ARMC2: variants seen among roughly 807,000 people sequenced by gnomAD.
ARMC2 encodes the protein armadillo repeat containing 2.
Under a neutral mutation model 90.3 loss-of-function variants are expected in ARMC2, and 67 were observed. The ratio of observed to expected loss-of-function variants is 0.74; its 90% CI spans 0.61 to 0.91. The LOEUF (loss-of-function observed/expected upper bound fraction) is 0.91, where lower values mean the gene tolerates loss of function less well. Among genes scored for constraint, ARMC2 ranks in the 40% least tolerant of loss-of-function variants. The probability of loss-of-function intolerance (pLI) is 0.00; values close to 1 mark genes in which losing one functional copy is unlikely to be tolerated. For synonymous variants in ARMC2, 393 were observed against 393.0 expected (o/e 1.00, Z 0.00); for missense variants, 920 against 1,030.9 (o/e 0.89, Z 1.47).
the ARMC2 span, among the ~76,000 whole-genome samples, chr6:109,047,010 G>C: frequency 2.1e-5 from 1 of 47,394 alleles, no homozygotes; most frequent in Middle Eastern, 0.014. Flanking sequence ...TCAGCCCCCT[G>C]CCCGGCCAGC....
intron 3 of ARMC2, among the ~76,000 whole-genome samples, chr6:108,861,235 C>T (rs997709746): frequency 3.9e-5 from 6 of 152,160 alleles, no homozygotes; most frequent in East Asian, 1.9e-4. Context: ...GTTAGTCAAG[C>T]GCTTCTCAAT....
chr6:108,953,180 A>C lies in ARMC2; in HGVS notation c.1744A>C (p.Lys582Gln). Residue 582 changes from lysine to glutamine, a missense_variant, in exon 13 of 18, where the codon AAG becomes CAG. Transcript: ENST00000392644. ...CCATCAGCTGGATCTGCATTCCCAG[A>C]AGCCGGTGGGCCAACGAGGCGAGCA... ...TFHQLDLHSQ[K>Q]PVGQRGEQHR... 6.2e-7 allele frequency: 1 copy of C among 1,614,084 alleles called. No individual in the cohort carries two copies.
the ARMC2 span, among the ~76,000 whole-genome samples, chr6:109,044,573 T>C: frequency 6.6e-6 from 1 of 152,168 alleles, no homozygotes; most frequent in East Asian, 1.9e-4. Context: ...AATATCTACA[T>C]CTAGATCACC....
rs756440360 is a variant in ARMC2 at position 108,953,265 on chromosome 6, T to C, written c.1829T>C (p.Val610Ala). 1.9e-6 allele frequency: 3 copies of C among 1,613,242 alleles called. No homozygotes were observed. Among genetic ancestry groups the C allele is most frequent in the Non-Finnish European group, 2.5e-6 (3 of 1,179,902 alleles). Residue 610 changes from valine to alanine, a missense_variant, in exon 13 of 18, where the codon GTG becomes GCG. Val to Ala is a moderately conservative substitution (Grantham distance 64, BLOSUM62 0). Coordinates refer to ENST00000392644, the MANE Select transcript of ARMC2 (RefSeq NM_032131.6). ...GACGTGCTCATCAAGCTGACTCGTG[T>C]GCTGGCCAACATTGCCATCCACCCG... ...AEDVLIKLTR[V>A]LANIAIHPGV...
At chr6:109,009,430 A>G in the ARMC2 span, 2 of 1,386,428 alleles carry the variant, frequency 1.4e-6, no homozygotes, top group East Asian at 3.1e-5. Flanking sequence ...GGGGCCGTGT[A>G]CGCCTCGTTC....
the ARMC2 span, among the ~76,000 whole-genome samples, chr6:108,980,171 G>T: frequency 1.3e-5 from 2 of 152,062 alleles, no homozygotes; most frequent in Non-Finnish European, 2.9e-5. Flanking sequence ...TTCAGGTGAG[G>T]TCTCTGAGTG....
chr6:109,016,624 G>A, the ARMC2 span, among the ~76,000 whole-genome samples: 7 of 152,122 alleles, frequency 4.6e-5, no homozygotes, highest in Non-Finnish European at 7.4e-5. Flanking sequence ...TTCTCACTCT[G>A]TGGGCCATTT....
chr6:108,911,959 A>G (rs1354217805), intron 9 of ARMC2, among the ~76,000 whole-genome samples: 1 of 152,116 alleles, frequency 6.6e-6, no homozygotes, highest in African/African-American at 2.4e-5. Flanking sequence ...AGTTACAAAT[A>G]TATTCTTAAA....
At chr6:108,990,803 C>A in the ARMC2 span, 2 of 1,613,898 alleles carry the variant, frequency 1.2e-6, no homozygotes, top group Non-Finnish European at 1.7e-6. Context: ...GGCGATTTAC[C>A]AAAGAATAAC....
intron 3 of ARMC2, among the ~76,000 whole-genome samples, chr6:108,867,572 G>T (rs974353794): frequency 1.3e-5 from 2 of 152,060 alleles, no homozygotes; most frequent in South Asian, 2.1e-4. Flanking sequence ...TTCGCGACCA[G>T]TCTGACTAAC....
chr6:109,045,102 C>G, the ARMC2 span, among the ~76,000 whole-genome samples: 6 of 152,102 alleles, frequency 3.9e-5, no homozygotes, highest in Non-Finnish European at 8.8e-5. Flanking sequence ...CCTATCTCCA[C>G]GAAGGCCTTC....
chr6:108,981,467 C>A, the ARMC2 span, among the ~76,000 whole-genome samples: 1 of 152,168 alleles, frequency 6.6e-6, no homozygotes, highest in African/African-American at 2.4e-5. Flanking sequence ...CCAAACAACT[C>A]CCCATTTTCA....
At chr6:108,885,684 AG>A (rs1347682603) in intron 5 of ARMC2, among the ~76,000 whole-genome samples, 18 of 148,110 alleles carry the variant, frequency 1.2e-4, no homozygotes, top group African/African-American at 4.1e-4. Flanking sequence ...AAAAAAAAAA[AG>A]AAAAGAAAAG....
the ARMC2 span, among the ~76,000 whole-genome samples, chr6:109,052,221 T>C: frequency 1.3e-5 from 2 of 152,256 alleles, no homozygotes; most frequent in East Asian, 3.8e-4. Flanking sequence ...CCTGGCACTT[T>C]GTAGTTGCTC....
At chr6:109,046,051 A>C in the ARMC2 span, among the ~76,000 whole-genome samples, 1 of 152,228 alleles carries the variant, frequency 6.6e-6, no homozygotes, top group Non-Finnish European at 1.5e-5. Context: ...AAAAAATATT[A>C]TATTTACAAG....
chr6:109,039,025 AAG>A, the ARMC2 span, among the ~76,000 whole-genome samples: 10 of 140,004 alleles, frequency 7.1e-5, no homozygotes, highest in Middle Eastern at 3.4e-3. Flanking sequence ...AAGAAAGAAA[AAG>A]AGAAAGAAAG....
rs918658396 is a variant in ARMC2, at chr6:108,921,804, A to G, written c.1351-6284A>G. Reference sequence around the variant, plus strand: ...GCTGCGTTTATTCTTTTACATCATCAGTGGGAAGTCAACAATTTTGCAGTT... The same window carrying G: ...GCTGCGTTTATTCTTTTACATCATCGGTGGGAAGTCAACAATTTTGCAGTT... On this transcript the variant is annotated intron_variant, in intron 10 of 17. Transcript: ENST00000392644. Among the ~76,000 whole-genome samples, 8 of 152,228 alleles carry G rather than the reference A, an allele frequency of 5.3e-5. No homozygotes were observed. In the South Asian group the frequency reaches 1.0e-3, roughly 20 times the overall value.
chr6:108,904,092 A>C, intron 7 of ARMC2, 138 bp from the exon 8 acceptor site: 1 of 1,000,524 alleles, frequency 1.0e-6, no homozygotes, highest in Non-Finnish European at 1.5e-6. Context: ...TGATAAGATA[A>C]GAAAAAAATA....
In ARMC2 at chr6:108,964,960, T is replaced by C. The variant is rs752445277; in HGVS notation, c.2286-20T>C. The stretch of plus-strand genomic sequence containing the variant: ...AGATTCTGACCTAATAACTTCTCAA[T>C]TTGAATTTTATTAACTCAGGTTAGT... On this transcript the variant is annotated intron_variant, in intron 16 of 17. Coordinates refer to ENST00000392644, the MANE Select transcript of ARMC2 (RefSeq NM_032131.6). 4 of 1,562,822 alleles carry C rather than the reference T, an allele frequency of 2.6e-6. No homozygotes were observed. The highest frequency in any genetic ancestry group is 1.7e-4 in the Middle Eastern group (1 of 5,852).
Sources: gnomAD v4.1 joint callset for allele counts (sites outside exome capture counted in the v4.1 genomes callset) on GRCh38, gnomAD v4.1.1 for gene constraint, MANE v1.5 for transcripts, NCBI Gene and HGNC (gene_info 2026-07-23, HGNC 2026-07-21) for gene names.